LDLRAD4: variants seen among roughly 807,000 people sequenced by gnomAD.
LDLRAD4 encodes the protein low-density lipoprotein receptor class A domain-containing protein 4.
A neutral mutation model predicts 17.0 loss-of-function variants in LDLRAD4; 5 were observed. The observed-to-expected ratio is 0.29, with a 90% confidence interval of 0.15 to 0.62. The LOEUF is 0.62. LDLRAD4 is among the 20% of genes least tolerant of loss of function. The pLI is 0.84. For synonymous variants in LDLRAD4, 168 were observed against 171.8 expected, an observed-to-expected ratio of 0.98 and a Z score of 0.17; for missense variants, 340 against 424.7, an observed-to-expected ratio of 0.80 and a Z score of 1.75.
intron 2 of LDLRAD4, among the ~76,000 whole-genome samples, chr18:13,409,391 C>T (rs2088106491): frequency 6.6e-6 from 1 of 152,162 alleles, no homozygotes; most frequent in African/African-American, 2.4e-5. Context: ...ATAGATGATT[C>T]CTCACCATAT....
At chr18:13,546,763 A>G (rs2094371460) in intron 3 of LDLRAD4, among the ~76,000 whole-genome samples, 1 of 152,132 alleles carries the variant, frequency 6.6e-6, no homozygotes, top group Non-Finnish European at 1.5e-5. Context: ...CCACTTTCTC[A>G]GCTTAGAGAA....
At chr18:13,553,617 AGCTGTGG>A (rs1185947096) in intron 3 of LDLRAD4, among the ~76,000 whole-genome samples, 12 of 152,222 alleles carry the variant, frequency 7.9e-5, no homozygotes, top group Non-Finnish European at 1.8e-4. Context: ...TCCCATTAAT[AGCTGTGG>A]AACTTAATTA....
At chr18:13,617,179 T>A (rs1411408208) in intron 3 of LDLRAD4, among the ~76,000 whole-genome samples, 2 of 151,752 alleles carry the variant, frequency 1.3e-5, no homozygotes, top group Admixed American at 1.3e-4. Context: ...CTTAAACAAT[T>A]CCCCCGTCTT....
intron 4 of LDLRAD4, among the ~76,000 whole-genome samples, chr18:13,628,135 G>A (rs1264570317): frequency 1.3e-5 from 2 of 152,192 alleles, no homozygotes; most frequent in Non-Finnish European, 2.9e-5. Flanking sequence ...GCGCTGGCTC[G>A]CTGTGCCCTG....
chr18:13,375,427 G>A (rs946333470), intron 1 of LDLRAD4, among the ~76,000 whole-genome samples: 1 of 152,084 alleles, frequency 6.6e-6, no homozygotes, highest in African/African-American at 2.4e-5. Context: ...GAGTCATTTC[G>A]ATAGGAGTGA....
At chr18:13,629,781 A>G (rs1199318892) in intron 4 of LDLRAD4, among the ~76,000 whole-genome samples, 1 of 151,826 alleles carries the variant, frequency 6.6e-6, no homozygotes, top group Non-Finnish European at 1.5e-5. Context: ...TGTTCTGAAA[A>G]AAAAAAAGAG....
intron 3 of LDLRAD4, among the ~76,000 whole-genome samples, chr18:13,450,032 T>G (rs1321111870): frequency 6.6e-6 from 1 of 151,972 alleles, no homozygotes; most frequent in Non-Finnish European, 1.5e-5. Flanking sequence ...ACCGAGAGAG[T>G]TCGCTCTTCC....
intron 1 of LDLRAD4, among the ~76,000 whole-genome samples, chr18:13,249,343 G>C (rs1388492865): frequency 6.6e-6 from 1 of 152,132 alleles, no homozygotes; most frequent in African/African-American, 2.4e-5. Flanking sequence ...TGTAGTGACT[G>C]TACCAGCTTA....
At chr18:13,258,305 T>C (rs1567940575) in intron 1 of LDLRAD4, among the ~76,000 whole-genome samples, 1 of 152,172 alleles carries the variant, frequency 6.6e-6, no homozygotes, top group African/African-American at 2.4e-5. Flanking sequence ...TAACAGAGAA[T>C]GTTAGGGTTT....
At chr18:13,524,304 G>A (rs1473319615) in intron 3 of LDLRAD4, among the ~76,000 whole-genome samples, 1 of 152,216 alleles carries the variant, frequency 6.6e-6, no homozygotes, top group African/African-American at 2.4e-5. Context: ...TATATTGACT[G>A]TATCTTGATG....
chr18:13,243,174 G>A (rs1476193428), intron 1 of LDLRAD4, among the ~76,000 whole-genome samples: 1 of 152,218 alleles, frequency 6.6e-6, no homozygotes, highest in African/African-American at 2.4e-5. Context: ...ACTTTCCAAG[G>A]GAGTAGGCCA....
chr18:13,319,205 T>G (rs2081089410), intron 1 of LDLRAD4, among the ~76,000 whole-genome samples: 1 of 152,182 alleles, frequency 6.6e-6, no homozygotes, highest in South Asian at 2.1e-4. Flanking sequence ...CATGTGGACT[T>G]TATGGTGCAG....
chr18:13,271,263 A>G (rs1237433805), intron 1 of LDLRAD4, among the ~76,000 whole-genome samples: 2 of 152,232 alleles, frequency 1.3e-5, no homozygotes, highest in East Asian at 1.9e-4. Flanking sequence ...CTAAGACTCA[A>G]GTGACTGTAA....
intron 2 of LDLRAD4, among the ~76,000 whole-genome samples, chr18:13,422,095 A>T (rs1383103001): frequency 6.6e-6 from 1 of 152,242 alleles, no homozygotes; most frequent in Non-Finnish European, 1.5e-5. Context: ...AGTATTACTG[A>T]ATTAATAGCA....
chr18:13,486,521 G>C (rs778181796), intron 3 of LDLRAD4: 1 of 152,344 alleles, frequency 6.6e-6, no homozygotes, highest in Non-Finnish European at 1.5e-5. Flanking sequence ...GGGAGAACGC[G>C]GAGCAGCAGA....
At chr18:13,277,154 G>T (rs955619014), upstream of LDLRAD4, among the ~76,000 whole-genome samples, 3 of 152,132 alleles carry the variant, frequency 2.0e-5, no homozygotes, top group Non-Finnish European at 4.4e-5. Context: ...GTTTTATCCG[G>T]CTGTCTTTAC....
At chr18:13,647,416 TAAC>T (rs2043055369) in exon 6 of LDLRAD4, 1 of 152,068 alleles carries the variant, frequency 6.6e-6, no homozygotes, top group Non-Finnish European at 1.5e-5. Context: ...CCTCTTCACA[TAAC>T]AAGATGAGCT....
At chr18:13,546,975 T>C (rs2094374747) in intron 3 of LDLRAD4, among the ~76,000 whole-genome samples, 1 of 152,220 alleles carries the variant, frequency 6.6e-6, no homozygotes, top group East Asian at 1.9e-4. Context: ...TGAGAACATT[T>C]GACATTTTGG....
intron 3 of LDLRAD4, among the ~76,000 whole-genome samples, chr18:13,496,356 T>A (rs948540128): frequency 1.2e-4 from 19 of 152,172 alleles, no homozygotes; most frequent in Non-Finnish European, 2.1e-4. Context: ...GTGGATTAGA[T>A]GACCCCAGTC....
Sources: gnomAD v4.1 joint callset for allele counts (sites outside exome capture counted in the v4.1 genomes callset) on GRCh38, gnomAD v4.1.1 for gene constraint, MANE v1.5 for transcripts, NCBI Gene and HGNC (gene_info 2026-07-23, HGNC 2026-07-21) for gene names.